The following ROBO2 variants were observed in gnomAD, a reference collection of about 807,000 sequenced individuals.
ROBO2 encodes the protein roundabout homolog 2.
A neutral mutation model predicts 160.8 loss-of-function variants in ROBO2; 53 were observed. That is an observed-to-expected ratio of 0.33 (90% CI 0.26 to 0.41). The LOEUF is 0.41. ROBO2 is among the 10% of genes least tolerant of loss of function. The pLI, the probability that ROBO2 is intolerant of heterozygous loss-of-function variation, is 1.00. For synonymous variants in ROBO2, 664 were observed against 611.7 expected (o/e 1.09, Z -1.26); for missense variants, 1,577 against 1,722.4 (o/e 0.92, Z 1.49).
rs1466345429 is a variant in ROBO2 at position 76,840,670 on chromosome 3, TATATAA to T, written c.110-257343_110-257338del. The stretch of plus-strand genomic sequence containing the variant: ...TTATATATATATATATATATATATA[TATATAA>T]GATGAAGTAAGAATATGTTATCATG... On this transcript the variant is annotated intron_variant, in intron 2 of 26. Coordinates refer to the ROBO2 transcript ENST00000487694. Among the ~76,000 whole-genome samples, 444 of 132,322 alleles carry T rather than the reference TATATAA, an allele frequency of 3.4e-3. 1 individual carries two copies. Among genetic ancestry groups the T allele is most frequent in the African/African-American group, 0.012 (423 of 34,556 alleles). The allele number at this position is 132,322 out of a possible 152,430, so 86.8% of individuals were successfully genotyped here. A position where few individuals can be genotyped will look rare whatever the true frequency, so the allele number is the denominator to read the frequency against.
At chr3:76,989,749 G>A (rs1441483935) in intron 2 of ROBO2, among the ~76,000 whole-genome samples, 3 of 152,086 alleles carry the variant, frequency 2.0e-5, no homozygotes, top group African/African-American at 7.2e-5. Context: ...TATAAGACTA[G>A]AGAGAAATCT....
Position 75,918,327 on chromosome 3 carries a change from G to A in ROBO2, c.-14+11367G>A, listed in dbSNP as rs1216942476. Among the ~76,000 whole-genome samples, 8 of 152,132 alleles carry A rather than the reference G, an allele frequency of 5.3e-5. No individual in the cohort carries two copies. In the South Asian group the frequency reaches 8.3e-4, roughly 16 times the overall value. On this transcript the variant is annotated intron_variant, in intron 1 of 26. Coordinates refer to the ROBO2 transcript ENST00000487694. The stretch of plus-strand genomic sequence containing the variant: ...ATTGCTTGCTTTTGTCAGGTTTGTT[G>A]AAGATCAGATGGTTGTAGCTGTGTG...
chr3:77,521,859 T>G (rs1056781410), intron 5 of ROBO2, among the ~76,000 whole-genome samples: 3 of 151,196 alleles, frequency 2.0e-5, no homozygotes, highest in Non-Finnish European at 4.4e-5. Context: ...TCACAGCTAG[T>G]TTTGAGCAGA....
At chr3:77,258,174 A>G (rs1478069708) in intron 2 of ROBO2, among the ~76,000 whole-genome samples, 2 of 152,228 alleles carry the variant, frequency 1.3e-5, no homozygotes, top group Admixed American at 1.3e-4. Flanking sequence ...TGTATAAGAG[A>G]TTTGAAAGGC....
At position 76,816,644 on chromosome 3, in the gene ROBO2, T is replaced by C. The variant is rs2065690968; in HGVS notation, c.110-281370T>C. Among the ~76,000 whole-genome samples the C allele has an allele frequency of 2.0e-5, 3 of 151,940 alleles. No homozygotes were observed. The South Asian group carries it at 6.2e-4, about 31-fold the overall frequency. On this transcript the variant is annotated intron_variant, in intron 2 of 26. Coordinates refer to the ROBO2 transcript ENST00000487694. ...CTCAGAGCACTGTCTTCCACAACTATTGTGGAAGACAGTGTGGCAATTCCT... is the reference window on the plus strand; with the variant it reads ...CTCAGAGCACTGTCTTCCACAACTACTGTGGAAGACAGTGTGGCAATTCCT...
chr3:77,327,344 G>T (rs1186867694), intron 2 of ROBO2, among the ~76,000 whole-genome samples: 1 of 152,138 alleles, frequency 6.6e-6, no homozygotes, highest in Non-Finnish European at 1.5e-5. Flanking sequence ...CATTTCGAGG[G>T]TCGGAGAAAC....
rs555793415 is a variant in ROBO2 at position 76,067,511 on chromosome 3, T to C, written c.109+129909T>C. ...CCTTGGAATTGTTTAAAAAAAAAAC[T>C]ATTGTTTACCTGAAGAGCCATAAAT... On this transcript the variant is annotated intron_variant, in intron 2 of 26. Transcript: ENST00000487694. 6.0e-5 allele frequency among the ~76,000 whole-genome samples: 9 copies of C among 149,030 alleles called. No individual in the cohort carries two copies. The East Asian group carries it at 9.8e-4, about 16-fold the overall frequency.
chr3:76,076,377 C>T (rs1345771496), intron 2 of ROBO2, among the ~76,000 whole-genome samples: 1 of 151,962 alleles, frequency 6.6e-6, no homozygotes, highest in African/African-American at 2.4e-5. Flanking sequence ...TTTCAGTGAC[C>T]GATGAAAGGC....
chr3:76,215,735 T>A lies in ROBO2; in HGVS notation c.109+278133T>A, dbSNP rs1703475495. Among the ~76,000 whole-genome samples, 3 of 152,210 alleles carry A rather than the reference T, an allele frequency of 2.0e-5. No homozygotes were observed. In the South Asian group the frequency reaches 6.2e-4, roughly 32 times the overall value. ...AATGGAACCAAGTTGGAAAACTCTC[T>A]TCAGGTTATTATCCAGGAGAACTTC... On this transcript the variant is annotated intron_variant, in intron 2 of 26. Coordinates refer to the ROBO2 transcript ENST00000487694.
At chr3:76,232,823 T>A (rs547922069) in intron 2 of ROBO2, among the ~76,000 whole-genome samples, 55 of 152,214 alleles carry the variant, frequency 3.6e-4, no homozygotes, top group African/African-American at 1.3e-3. Flanking sequence ...ATTTCAAACC[T>A]TTCACTCCCT....
chr3:77,588,516 A>G lies in ROBO2; in HGVS notation c.2501-235A>G, dbSNP rs775733. 0.76 allele frequency among the ~76,000 whole-genome samples: 115,743 copies of G among 151,914 alleles called. 44,376 individuals are homozygous for G. Among genetic ancestry groups the G allele is most frequent in the African/African-American group, 0.83 (34,228 of 41,452 alleles). The stretch of plus-strand genomic sequence containing the variant: ...GATAAATCAACTACGTTGTGAATCC[A>G]TCCATAGCAAACCACAACACAAGAG... On this transcript the variant is annotated intron_variant, in intron 16 of 25. Coordinates refer to ENST00000461745, the Ensembl canonical transcript of ROBO2.
chr3:76,601,827 C>T (rs1187003544), intron 2 of ROBO2, among the ~76,000 whole-genome samples: 1 of 152,204 alleles, frequency 6.6e-6, no homozygotes, highest in Non-Finnish European at 1.5e-5. Flanking sequence ...TGAATTTCCC[C>T]TCAGAAAATG....
chr3:77,142,557 T>G (rs749143376), intron 2 of ROBO2, among the ~76,000 whole-genome samples: 3 of 152,204 alleles, frequency 2.0e-5, no homozygotes, highest in Non-Finnish European at 4.4e-5. Flanking sequence ...CTGTCTTCTT[T>G]GCTATTGGAG....
intron 2 of ROBO2, among the ~76,000 whole-genome samples, chr3:76,533,970 C>T (rs536788862): frequency 1.3e-5 from 2 of 152,230 alleles, no homozygotes; most frequent in East Asian, 3.9e-4. Flanking sequence ...TTCTTGGCTC[C>T]TGCAGGCCAT....
intron 2 of ROBO2, among the ~76,000 whole-genome samples, chr3:76,729,402 G>T (rs1322053355): frequency 1.3e-5 from 2 of 151,976 alleles, no homozygotes; most frequent in Non-Finnish European, 2.9e-5. Context: ...CACTCTAATA[G>T]TTACAGATTA....
intron 2 of ROBO2, among the ~76,000 whole-genome samples, chr3:77,466,786 C>T (rs946545929): frequency 7.2e-5 from 11 of 152,180 alleles, no homozygotes; most frequent in Non-Finnish European, 1.6e-4. Flanking sequence ...ATAAATAACA[C>T]ATAAATTCCA....
At chr3:76,920,679 T>C (rs2076600578) in intron 2 of ROBO2, among the ~76,000 whole-genome samples, 1 of 152,234 alleles carries the variant, frequency 6.6e-6, no homozygotes, top group Non-Finnish European at 1.5e-5. Context: ...AACATGCCCT[T>C]TGGCACTAAT....
rs192575349 is a variant in ROBO2, at chr3:76,004,460, A to C, written c.109+66858A>C. The stretch of plus-strand genomic sequence containing the variant: ...TGTAACAGAATATCATAGACTGGGT[A>C]GTTTATAAACAACCAAAATTTATTT... On this transcript the variant is annotated intron_variant, in intron 2 of 26. Coordinates refer to the ROBO2 transcript ENST00000487694. Among the ~76,000 whole-genome samples, 178 of 152,276 alleles carry C rather than the reference A, an allele frequency of 1.2e-3. 2 individuals carry two copies. The South Asian group carries it at 0.013, about 11-fold the overall frequency.
chr3:76,655,157 A>C (rs1378795157), intron 2 of ROBO2, among the ~76,000 whole-genome samples: 2 of 150,132 alleles, frequency 1.3e-5, no homozygotes, highest in African/African-American at 4.9e-5. Context: ...TCCTATTAAT[A>C]TTCGCAGGGG....
Sources: gnomAD v4.1 joint callset for allele counts (sites outside exome capture counted in the v4.1 genomes callset) on GRCh38, gnomAD v4.1.1 for gene constraint, MANE v1.5 for transcripts, NCBI Gene and HGNC (gene_info 2026-07-23, HGNC 2026-07-21) for gene names.